VTI1A: variants seen among roughly 807,000 people sequenced by gnomAD.
VTI1A encodes the protein vesicle transport through interaction with t-SNAREs homolog 1A.
Under a neutral mutation model 34.9 loss-of-function variants are expected in VTI1A, and 22 were observed. That is an observed-to-expected ratio of 0.63 (90% CI 0.45 to 0.90). The LOEUF (loss-of-function observed/expected upper bound fraction) is 0.90. Among genes scored for constraint, VTI1A ranks in the 40% least tolerant of loss-of-function variants. The pLI is 0.00. For missense variants in VTI1A, 268 were observed against 275.6 expected (o/e 0.97, Z 0.20); for synonymous variants, 87 against 97.3 (o/e 0.89, Z 0.62).
intron 7 of VTI1A, among the ~76,000 whole-genome samples, chr10:112,715,516 G>T (rs1554948906): frequency 1.3e-5 from 2 of 152,162 alleles, no homozygotes; most frequent in Non-Finnish European, 2.9e-5. Flanking sequence ...ACAGCTGGAT[G>T]AACTGGGAGG....
At chr10:112,618,693 T>C (rs778875293) in intron 5 of VTI1A, among the ~76,000 whole-genome samples, 1 of 151,700 alleles carries the variant, frequency 6.6e-6, no homozygotes, top group Admixed American at 6.6e-5. Context: ...AGTTAGAACA[T>C]GCATACCATA....
At chr10:112,765,037 C>T (rs182328726) in intron 7 of VTI1A, among the ~76,000 whole-genome samples, 79 of 152,254 alleles carry the variant, frequency 5.2e-4, no homozygotes, top group African/African-American at 1.9e-3. Context: ...TCCCCATGTC[C>T]TGGTTGGATA....
intron 5 of VTI1A, among the ~76,000 whole-genome samples, chr10:112,650,245 CT>C (rs1209325987): frequency 1.3e-5 from 2 of 151,978 alleles, no homozygotes; most frequent in Non-Finnish European, 1.5e-5. Context: ...TCTTTTTAAA[CT>C]TTTTTTGTTA....
chr10:112,806,151 C>T (rs1395826354), intron 7 of VTI1A, among the ~76,000 whole-genome samples: 1 of 152,198 alleles, frequency 6.6e-6, no homozygotes, highest in Non-Finnish European at 1.5e-5. Context: ...AACTCATCCC[C>T]ACTGTGTCCC....
intron 2 of VTI1A, among the ~76,000 whole-genome samples, chr10:112,463,705 A>G (rs913497443): frequency 6.6e-6 from 1 of 152,098 alleles, no homozygotes; most frequent in Non-Finnish European, 1.5e-5. Context: ...ATTTAATGCC[A>G]TATAAATGTG....
intron 7 of VTI1A, among the ~76,000 whole-genome samples, chr10:112,769,993 A>G (rs965179198): frequency 1.3e-5 from 2 of 151,770 alleles, no homozygotes; most frequent in Non-Finnish European, 2.9e-5. Flanking sequence ...TATCTTTTGG[A>G]GTTTCCAGAA....
intron 3 of VTI1A, among the ~76,000 whole-genome samples, chr10:112,513,334 A>G (rs529306301): frequency 6.6e-6 from 1 of 151,996 alleles, no homozygotes; most frequent in East Asian, 1.9e-4. Flanking sequence ...TCCTTTTTGT[A>G]TTAGCTTGTT....
intron 7 of VTI1A, among the ~76,000 whole-genome samples, chr10:112,760,980 G>T (rs1851445713): frequency 6.6e-6 from 1 of 151,522 alleles, no homozygotes; most frequent in Admixed American, 6.6e-5. Flanking sequence ...TAAGAATGCA[G>T]AAATCGGACA....
At chr10:112,520,621 A>G (rs899160901) in intron 3 of VTI1A, among the ~76,000 whole-genome samples, 38 of 138,094 alleles carry the variant, frequency 2.8e-4, no homozygotes, top group South Asian at 1.4e-3. Context: ...TAGTCTCTAT[A>G]TGTGTGTGTG....
intron 3 of VTI1A, among the ~76,000 whole-genome samples, chr10:112,514,292 C>T (rs1055885500): frequency 6.6e-6 from 1 of 151,848 alleles, no homozygotes; most frequent in Non-Finnish European, 1.5e-5. Context: ...AATTTGTTGG[C>T]ATATAATTGT....
chr10:112,513,219 G>A (rs963713632), intron 3 of VTI1A, among the ~76,000 whole-genome samples: 3 of 151,848 alleles, frequency 2.0e-5, no homozygotes, highest in Admixed American at 2.0e-4. Context: ...TCTTTCATCA[G>A]TATTTTATAG....
chr10:112,556,871 T>C (rs148855576), intron 5 of VTI1A, among the ~76,000 whole-genome samples: 12 of 152,190 alleles, frequency 7.9e-5, no homozygotes, highest in African/African-American at 2.4e-4. Flanking sequence ...ATATTTAAAA[T>C]TAAAAGTTTT....
intron 7 of VTI1A, among the ~76,000 whole-genome samples, chr10:112,783,670 C>T (rs533901581): frequency 2.0e-5 from 3 of 152,198 alleles, no homozygotes; most frequent in South Asian, 2.1e-4. Context: ...AAGGAAAATT[C>T]GAAGGGAGAA....
chr10:112,595,906 C>A (rs1408168892), intron 5 of VTI1A, among the ~76,000 whole-genome samples: 2 of 152,136 alleles, frequency 1.3e-5, no homozygotes, highest in Non-Finnish European at 2.9e-5. Context: ...AGACTTGGAA[C>A]CAACCCAAAT....
chr10:112,635,823 G>A (rs977311259), intron 5 of VTI1A, among the ~76,000 whole-genome samples: 2 of 152,188 alleles, frequency 1.3e-5, no homozygotes, highest in African/African-American at 2.4e-5. Flanking sequence ...TTTAGCTGAT[G>A]GGAAGAGGCA....
chr10:112,633,675 G>C (rs1000037904), intron 5 of VTI1A, among the ~76,000 whole-genome samples: 1 of 152,146 alleles, frequency 6.6e-6, no homozygotes, highest in African/African-American at 2.4e-5. Flanking sequence ...TTACATAAAT[G>C]TGTCACTGAG....
At chr10:112,570,705 G>C (rs1427521964) in intron 5 of VTI1A, among the ~76,000 whole-genome samples, 1 of 152,180 alleles carries the variant, frequency 6.6e-6, no homozygotes, top group East Asian at 1.9e-4. Flanking sequence ...ATGTATTTTT[G>C]TGCTAATTTT....
intron 7 of VTI1A, among the ~76,000 whole-genome samples, chr10:112,685,793 C>G (rs752655559): frequency 2.6e-5 from 4 of 152,182 alleles, no homozygotes; most frequent in Admixed American, 1.3e-4. Context: ...ATGCTCGCCT[C>G]TGTCCCAATT....
At chr10:112,527,771 T>C (rs1473112850) in intron 4 of VTI1A, among the ~76,000 whole-genome samples, 1 of 151,656 alleles carries the variant, frequency 6.6e-6, no homozygotes, top group Non-Finnish European at 1.5e-5. Context: ...AAGATCTGCG[T>C]AGGCCAAAAA....
Sources: gnomAD v4.1 joint callset for allele counts (sites outside exome capture counted in the v4.1 genomes callset) on GRCh38, gnomAD v4.1.1 for gene constraint, MANE v1.5 for transcripts, NCBI Gene and HGNC (gene_info 2026-07-23, HGNC 2026-07-21) for gene names.